The following CLSTN2 variants were observed in gnomAD, a reference collection of about 807,000 sequenced individuals.
CLSTN2 encodes calsyntenin-2.
A neutral mutation model predicts 101.2 loss-of-function variants in CLSTN2; 48 were observed. The ratio of observed to expected loss-of-function variants is 0.47; its 90% CI spans 0.38 to 0.60. CLSTN2 has a LOEUF of 0.60. Among genes scored for constraint, CLSTN2 ranks in the 20% least tolerant of loss-of-function variants. The pLI is 0.00. For synonymous variants in CLSTN2, 481 were observed against 463.6 expected, an observed-to-expected ratio of 1.04 and a Z score of -0.48; for missense variants, 1,160 against 1,238.2, an observed-to-expected ratio of 0.94 and a Z score of 0.95.
intron 1 of CLSTN2, among the ~76,000 whole-genome samples, chr3:139,998,928 G>A (rs2006756305): frequency 6.6e-6 from 1 of 152,104 alleles, no homozygotes; most frequent in Non-Finnish European, 1.5e-5. Context: ...AATTTAAAAT[G>A]AGATTACCTC....
intron 2 of CLSTN2, among the ~76,000 whole-genome samples, chr3:140,229,537 T>G (rs1311502873): frequency 6.6e-6 from 1 of 151,714 alleles, no homozygotes; most frequent in Non-Finnish European, 1.5e-5. Context: ...CTCAGATCTC[T>G]ATGTTGTCTT....
chr3:140,273,155 C>T (rs1413255091), intron 2 of CLSTN2, among the ~76,000 whole-genome samples: 2 of 152,018 alleles, frequency 1.3e-5, no homozygotes, highest in Non-Finnish European at 2.9e-5. Context: ...GGAAGATATA[C>T]TCATTTCCCT....
chr3:140,173,938 G>T (rs186242512), intron 1 of CLSTN2, among the ~76,000 whole-genome samples: 2 of 152,332 alleles, frequency 1.3e-5, no homozygotes, highest in African/African-American at 4.8e-5. Context: ...CTCTGAACAT[G>T]CCCTGGAGAC....
intron 2 of CLSTN2, among the ~76,000 whole-genome samples, chr3:140,242,894 T>C (rs760289939): frequency 1.3e-5 from 2 of 152,176 alleles, no homozygotes; most frequent in Non-Finnish European, 2.9e-5. Flanking sequence ...GCTGCCCTCA[T>C]TTGGGACTCA....
At chr3:140,317,290 C>T (rs544752757) in intron 2 of CLSTN2, among the ~76,000 whole-genome samples, 28 of 152,216 alleles carry the variant, frequency 1.8e-4, no homozygotes, top group East Asian at 7.7e-4. Context: ...GGACTCTTCT[C>T]GGGGAGCTCA....
intron 1 of CLSTN2, among the ~76,000 whole-genome samples, chr3:140,069,449 G>A (rs1248882794): frequency 1.3e-5 from 2 of 152,188 alleles, no homozygotes; most frequent in African/African-American, 2.4e-5. Flanking sequence ...AAGGGGGAGT[G>A]CACAATTTTC....
chr3:140,540,243 G>A (rs1224623359), intron 9 of CLSTN2, among the ~76,000 whole-genome samples: 1 of 152,136 alleles, frequency 6.6e-6, no homozygotes, highest in African/African-American at 2.4e-5. Context: ...TCACTGTACT[G>A]CTATATAAAT....
At position 140,168,238 on chromosome 3, in the gene CLSTN2, AT is replaced by A. The variant is rs370252959; in HGVS notation, c.110-7712del. Among the ~76,000 whole-genome samples, 147 of 152,294 alleles carry A rather than the reference AT, an allele frequency of 9.7e-4. 1 individual carries two copies. The Middle Eastern group carries it at 0.017, about 18-fold the overall frequency. The stretch of plus-strand genomic sequence containing the variant: ...GCCATTCAACTGGTGTTGTGGTGAT[AT>A]CCCATTGTGGCTTCAATTTACATGC... On this transcript the variant is annotated intron_variant, in intron 1 of 16. Coordinates refer to ENST00000458420, the MANE Select transcript of CLSTN2 (RefSeq NM_022131.3).
chr3:140,003,510 A>G (rs548028300), intron 1 of CLSTN2, among the ~76,000 whole-genome samples: 1 of 152,212 alleles, frequency 6.6e-6, no homozygotes, highest in African/African-American at 2.4e-5. Flanking sequence ...TCCAATTTGG[A>G]TGCCCTTTAT....
intron 1 of CLSTN2, among the ~76,000 whole-genome samples, chr3:139,946,351 G>C (rs1297382789): frequency 6.6e-6 from 1 of 152,164 alleles, no homozygotes; most frequent in Non-Finnish European, 1.5e-5. Context: ...TTTAATAAAA[G>C]GTACCCCAGC....
chr3:139,962,654 A>G (rs1018656594), intron 1 of CLSTN2, among the ~76,000 whole-genome samples: 1 of 152,078 alleles, frequency 6.6e-6, no homozygotes. Flanking sequence ...TGGATTAAGA[A>G]TTTTCTTCTT....
intron 1 of CLSTN2, among the ~76,000 whole-genome samples, chr3:140,038,522 G>A (rs570598399): frequency 4.6e-5 from 7 of 151,968 alleles, no homozygotes; most frequent in African/African-American, 1.2e-4. Flanking sequence ...ATTTTCTTTC[G>A]GTGTGCAGAC....
intron 1 of CLSTN2, among the ~76,000 whole-genome samples, chr3:140,136,136 G>A (rs1340009714): frequency 6.6e-6 from 1 of 152,140 alleles, no homozygotes; most frequent in Non-Finnish European, 1.5e-5. Context: ...GGATAGCAGT[G>A]CTCTAATAAT....
chr3:140,319,980 CT>C (rs1409016743), intron 2 of CLSTN2, among the ~76,000 whole-genome samples: 2 of 152,224 alleles, frequency 1.3e-5, no homozygotes. Flanking sequence ...TCTCTGAACA[CT>C]GTATTCCAGT....
intron 2 of CLSTN2, among the ~76,000 whole-genome samples, chr3:140,305,539 A>C (rs2087105728): frequency 6.6e-6 from 1 of 152,170 alleles, no homozygotes; most frequent in Non-Finnish European, 1.5e-5. Flanking sequence ...TCAGGCAGAA[A>C]TGAGAAGCTC....
At chr3:140,524,062 C>T (rs540029017) in intron 8 of CLSTN2, among the ~76,000 whole-genome samples, 1 of 152,282 alleles carries the variant, frequency 6.6e-6, no homozygotes, top group African/African-American at 2.4e-5. Flanking sequence ...ATTATCAGAA[C>T]TGTGCAGTAA....
At chr3:140,118,058 C>G (rs2107797934) in intron 1 of CLSTN2, among the ~76,000 whole-genome samples, 1 of 152,016 alleles carries the variant, frequency 6.6e-6, no homozygotes, top group East Asian at 1.9e-4. Flanking sequence ...TAGAATGAGG[C>G]TATCACAATG....
intron 1 of CLSTN2, among the ~76,000 whole-genome samples, chr3:139,993,917 A>T (rs1437400547): frequency 4.6e-5 from 7 of 152,210 alleles, no homozygotes; most frequent in African/African-American, 1.7e-4. Context: ...GATACAATGA[A>T]TCTGTGGAAG....
At chr3:140,539,568 A>G (rs1386599600) in intron 9 of CLSTN2, among the ~76,000 whole-genome samples, 1 of 152,198 alleles carries the variant, frequency 6.6e-6, no homozygotes, top group Non-Finnish European at 1.5e-5. Context: ...GGAGAGGGGA[A>G]GAGACCCTAA....
Sources: allele counts gnomAD v4.1 joint callset (sites outside exome capture counted in the v4.1 genomes callset), GRCh38; gene constraint gnomAD v4.1.1; transcripts MANE v1.5; gene names NCBI Gene and HGNC (gene_info 2026-07-23, HGNC 2026-07-21).